Variants in CLDN11 observed in about 807,000 individuals in gnomAD.
CLDN11 encodes claudin-11.
CLDN11 carries 1 observed loss-of-function variant against 18.0 expected under a neutral mutation model. The ratio of observed to expected loss-of-function variants is 0.06; its 90% CI spans 0.02 to 0.26. CLDN11 has a LOEUF of 0.26. CLDN11 is among the 10% of genes least tolerant of loss of function. The pLI is 1.00. For missense variants in CLDN11, 172 were observed against 276.6 expected (o/e 0.62, Z 2.68); for synonymous variants, 116 against 121.5 (o/e 0.96, Z 0.30).
At chr3:170,421,370 G>A (rs536546018) in intron 1 of CLDN11, 4 of 886,898 alleles carry the variant, frequency 4.5e-6, no homozygotes, top group Non-Finnish European at 5.4e-6. Context: ...CCGCAGAGGC[G>A]GACGGCTGGG....
chr3:170,430,830 GCCAC>G (rs1382310481), intron 2 of CLDN11, among the ~76,000 whole-genome samples: 2 of 152,136 alleles, frequency 1.3e-5, no homozygotes, highest in East Asian at 3.8e-4. Context: ...AAAGGTGTGA[GCCAC>G]CATGCCTGGC....
intron 2 of CLDN11, among the ~76,000 whole-genome samples, chr3:170,432,225 A>T (rs1179144706): frequency 6.6e-6 from 1 of 152,230 alleles, no homozygotes; most frequent in African/African-American, 2.4e-5. Context: ...TGAAGTGTTG[A>T]TATACAAGTA....
chr3:170,432,901 TCTTAA>T lies in CLDN11; in HGVS notation c.*149_*153del, dbSNP rs1739038120. 3 of 691,660 alleles carry T rather than the reference TCTTAA, an allele frequency of 4.3e-6. No homozygotes were observed. Among genetic ancestry groups the T allele is most frequent in the Admixed American group, 5.6e-5 (2 of 35,458 alleles). 42.8% of individuals were successfully genotyped at this position (691,660 alleles called of 1,614,324 possible). A position where few individuals can be genotyped will look rare whatever the true frequency, so the allele number is the denominator to read the frequency against. On this transcript the variant is annotated 3_prime_UTR_variant, in exon 3 of 3. Coordinates refer to ENST00000064724, the MANE Select transcript of CLDN11 (RefSeq NM_005602.6). Reference sequence around the variant, plus strand: ...AAGCATCCTGTCTGGCATTTTGTAGTCTTAACTTCTCCCCATTTCCCCCATCTTTT... The same window carrying T: ...AAGCATCCTGTCTGGCATTTTGTAGTCTTCTCCCCATTTCCCCCATCTTTT...
chr3:170,423,140 C>T, intron 1 of CLDN11, 23 bp from the exon 2 acceptor site: 1 of 1,614,066 alleles, frequency 6.2e-7, no homozygotes, highest in Non-Finnish European at 8.5e-7. Context: ...TCTAACCTTT[C>T]CCATCTGCTC....
rs1338248135 is a variant in CLDN11, at chr3:170,434,218, C to T, written c.*1462C>T. On this transcript the variant is annotated 3_prime_UTR_variant, in exon 3 of 3. Transcript: ENST00000064724. ...AGTGATTCAAGAACAAGTAATTCTG[C>T]ATTGCCTTGAATAATTAAAAAGTTA... The T allele has an allele frequency of 6.6e-6, 1 of 152,600 alleles. No homozygotes were observed. Among genetic ancestry groups the T allele is most frequent in the Non-Finnish European group, 1.5e-5 (1 of 68,042 alleles). The allele number at this position is 152,600 out of a possible 1,614,324, so 9.5% of individuals were successfully genotyped here. A position where few individuals can be genotyped will look rare whatever the true frequency, so the allele number is the denominator to read the frequency against.
chr3:170,431,572 C>G (rs747481735), intron 2 of CLDN11, among the ~76,000 whole-genome samples: 16 of 152,136 alleles, frequency 1.1e-4, no homozygotes, highest in Non-Finnish European at 1.9e-4. Flanking sequence ...TGTGGCCACT[C>G]CATTTGACAG....
intron 2 of CLDN11, among the ~76,000 whole-genome samples, chr3:170,431,628 C>A (rs1275485947): frequency 6.6e-6 from 1 of 152,178 alleles, no homozygotes; most frequent in Admixed American, 6.5e-5. Flanking sequence ...TCTTTATAGC[C>A]TCTTGCCTGC....
intron 1 of CLDN11, chr3:170,421,154 G>GC (rs1217608648): frequency 7.7e-6 from 1 of 129,624 alleles, no homozygotes; most frequent in Non-Finnish European, 9.4e-6. Context: ...TCTGGGGGTG[G>GC]GGGGGGGGTG....
At position 170,418,955 on chromosome 3, in the gene CLDN11, G is replaced by T; in HGVS notation, c.-112G>T. The T allele has an allele frequency of 1.2e-6, 1 of 809,944 alleles. No individual in the cohort carries two copies. The highest frequency in any genetic ancestry group is 1.7e-5 in the South Asian group (1 of 58,026). The allele number at this position is 809,944 out of a possible 1,614,324, so 50.2% of individuals were successfully genotyped here. ...CACCTCCAGTGTCCCGCCTCGGGCC[G>T]TCGCCCTCCAGCGGCTCGCGAGCGT... is the stretch of plus-strand genomic sequence containing the variant. On this transcript the variant is annotated 5_prime_UTR_variant, in exon 1 of 3. Coordinates refer to ENST00000064724, the MANE Select transcript of CLDN11 (RefSeq NM_005602.6). The surrounding 1 kb of genome is among the most constrained non-coding windows in gnomAD (Gnocchi z 4.3).
chr3:170,427,576 G>A (rs998954543), intron 2 of CLDN11, among the ~76,000 whole-genome samples: 2 of 151,834 alleles, frequency 1.3e-5, no homozygotes, highest in Non-Finnish European at 1.5e-5. Context: ...AGCCGAGATC[G>A]CACCATTGCA....
At position 170,432,737 on chromosome 3, in the gene CLDN11, C is replaced by T. The variant is rs375624085; in HGVS notation, c.605C>T (p.Ala202Val). The T allele has an allele frequency of 2.6e-5, 42 of 1,614,066 alleles. No homozygotes were observed. The highest frequency in any genetic ancestry group is 4.5e-5 in the East Asian group (2 of 44,906). The change falls in exon 3 of 3, where the codon GCG (alanine) becomes GTG (valine). Residue 202 changes from alanine (A) to valine (V), a missense_variant. Ala to Val is a moderately conservative substitution (Grantham distance 64). Around this residue, in one of 3 missense-constraint regions of CLDN11, gnomAD observed 161 missense variants for 240.3 expected, o/e 0.67. Coordinates refer to ENST00000064724, the MANE Select transcript of CLDN11 (RefSeq NM_005602.6). ...YTAGSSSPTHAKSAHV is the reference protein window; with the variant it reads ...YTAGSSSPTHVKSAHV ...GCGGGCTCTAGCTCCCCGACTCATG[C>T]GAAGAGTGCCCACGTATAAGAGGGC...
chr3:170,427,076 A>G (rs1461883151), intron 2 of CLDN11, among the ~76,000 whole-genome samples: 1 of 152,140 alleles, frequency 6.6e-6, no homozygotes, highest in African/African-American at 2.4e-5. Context: ...AAAATATCAG[A>G]CCTATATAAA....
In CLDN11 at chr3:170,434,420, C is replaced by G. The variant is rs150475064; in HGVS notation, c.*1664C>G. Among the ~76,000 whole-genome samples the G allele has an allele frequency of 1.3e-3, 192 of 152,276 alleles. No homozygotes were observed. The highest frequency in any genetic ancestry group is 4.5e-3 in the African/African-American group (187 of 41,550). ...TAATGTCCTTCATCTACTTCTAACA[C>G]TTAGTAAAGGAATTGATTGGCTAGG... On this transcript the variant is annotated 3_prime_UTR_variant, in exon 3 of 3. Transcript: ENST00000064724.
chr3:170,420,001 G>T (rs1738685056), intron 1 of CLDN11, among the ~76,000 whole-genome samples: 1 of 152,238 alleles, frequency 6.6e-6, no homozygotes, highest in South Asian at 2.1e-4. Context: ...CGCGCCGCTG[G>T]GTTGGATAGG....
chr3:170,431,131 T>C (rs1738993586), intron 2 of CLDN11, among the ~76,000 whole-genome samples: 1 of 152,162 alleles, frequency 6.6e-6, no homozygotes, highest in South Asian at 2.1e-4. Flanking sequence ...CAATCTTTTT[T>C]CCATTTAGAA....
rs1327482729 is a variant in CLDN11 at position 170,432,816 on chromosome 3, G to T, written c.*60G>T. The T allele has an allele frequency of 2.0e-6, 3 of 1,519,866 alleles. No individual in the cohort carries two copies. The highest frequency in any genetic ancestry group is 1.8e-6 in the Non-Finnish European group (2 of 1,095,818). 94.1% of individuals were successfully genotyped at this position (1,519,866 alleles called of 1,614,324 possible). On this transcript the variant is annotated 3_prime_UTR_variant, in exon 3 of 3. Transcript: ENST00000064724. ...ATGCTGGGCCCAGGGCCCTAGGTTT[G>T]CTCGTCACAGTGTGGGGAAGCCCAT...
In CLDN11 at chr3:170,432,819, C is replaced by A; in HGVS notation, c.*63C>A. The A allele has an allele frequency of 6.6e-7, 1 of 1,504,344 alleles. No homozygotes were observed. The highest frequency in any genetic ancestry group is 9.2e-7 in the Non-Finnish European group (1 of 1,082,038). The allele number at this position is 1,504,344 out of a possible 1,614,324, so 93.2% of individuals were successfully genotyped here. ...CTGGGCCCAGGGCCCTAGGTTTGCT[C>A]GTCACAGTGTGGGGAAGCCCATTCC... On this transcript the variant is annotated 3_prime_UTR_variant, in exon 3 of 3. Coordinates refer to ENST00000064724, the MANE Select transcript of CLDN11 (RefSeq NM_005602.6).
Position 170,418,925 on chromosome 3 carries a change from A to G in CLDN11, c.-142A>G. 6 of 628,512 alleles carry G rather than the reference A, an allele frequency of 9.5e-6. No individual in the cohort carries two copies. The South Asian group carries it at 1.0e-4, about 11-fold the overall frequency. 38.9% of individuals were successfully genotyped at this position (628,512 alleles called of 1,614,324 possible). A position where few individuals can be genotyped will look rare whatever the true frequency, so the allele number is the denominator to read the frequency against. On this transcript the variant is annotated 5_prime_UTR_variant, in exon 1 of 3. Coordinates refer to ENST00000064724, the MANE Select transcript of CLDN11 (RefSeq NM_005602.6). This position sits in a 1 kb window ranked among gnomAD's most constrained non-coding sequence, Gnocchi z 4.3. ...GCTGAGCTCGCAGCCTCCGGCGCCCACCTCCACCTCCAGTGTCCCGCCTCG... is the reference window on the plus strand; with the variant it reads ...GCTGAGCTCGCAGCCTCCGGCGCCCGCCTCCACCTCCAGTGTCCCGCCTCG...
intron 2 of CLDN11, among the ~76,000 whole-genome samples, chr3:170,428,240 T>A (rs1239434039): frequency 6.6e-6 from 1 of 152,192 alleles, no homozygotes; most frequent in Non-Finnish European, 1.5e-5. Flanking sequence ...TGTCTCTCTT[T>A]CTCTCAGTTG....
Sources: allele counts gnomAD v4.1 joint callset (sites outside exome capture counted in the v4.1 genomes callset), GRCh38; gene constraint gnomAD v4.1.1; regional missense constraint gnomAD v4.1.1; non-coding constraint Gnocchi (gnomAD v3.1); transcripts MANE v1.5; gene names NCBI Gene and HGNC (gene_info 2026-07-23, HGNC 2026-07-21).